SLIT3: variants seen among roughly 807,000 people sequenced by gnomAD.
SLIT3 encodes the protein slit homolog 3 protein.
Under a neutral mutation model 184.0 loss-of-function variants are expected in SLIT3, and 68 were observed. The observed-to-expected ratio is 0.37, with a 90% CI of 0.30 to 0.45. The LOEUF (loss-of-function observed/expected upper bound fraction) is 0.45. Ranked by LOEUF, SLIT3 falls within the 20% of genes least tolerant of loss-of-function variation. The pLI is 1.00. For missense variants in SLIT3, 1,707 were observed against 2,026.0 expected, an observed-to-expected ratio of 0.84 and a Z score of 3.02; for synonymous variants, 831 against 828.6, an observed-to-expected ratio of 1.00 and a Z score of -0.05.
At chr5:168,881,789 C>T (rs957382044) in intron 5 of SLIT3, among the ~76,000 whole-genome samples, 1 of 152,210 alleles carries the variant, frequency 6.6e-6, no homozygotes, top group Admixed American at 6.5e-5. Flanking sequence ...TTCTGTATCT[C>T]ATTTTCTCAG....
At chr5:168,846,478 C>T (rs1018258034) in intron 5 of SLIT3, among the ~76,000 whole-genome samples, 1 of 152,188 alleles carries the variant, frequency 6.6e-6, no homozygotes, top group Admixed American at 6.5e-5. Flanking sequence ...TCTAGTCCTG[C>T]TGCCCAGCTT....
intron 3 of SLIT3, among the ~76,000 whole-genome samples, chr5:169,211,636 G>C (rs1764268609): frequency 1.3e-5 from 2 of 151,600 alleles, no homozygotes; most frequent in Admixed American, 6.6e-5. Context: ...TGTCTAAGTA[G>C]CTGGCATATT....
chr5:169,187,045 A>G (rs1236616176), intron 4 of SLIT3, among the ~76,000 whole-genome samples: 1 of 149,812 alleles, frequency 6.7e-6, no homozygotes, highest in Non-Finnish European at 1.5e-5. Context: ...AATACCTCGT[A>G]TAACTGAATG....
intron 26 of SLIT3, 121 bp downstream of exon 26, chr5:168,707,855 G>T: frequency 1.6e-6 from 2 of 1,233,514 alleles, no homozygotes; most frequent in Non-Finnish European, 2.3e-6. Context: ...CTGTGCGATG[G>T]ACTCATCCAG....
chr5:169,239,307 A>C (rs747325818), intron 3 of SLIT3, among the ~76,000 whole-genome samples: 3 of 152,052 alleles, frequency 2.0e-5, no homozygotes, highest in Non-Finnish European at 4.4e-5. Context: ...TTTTTCTTGA[A>C]ATGTCCTTAC....
In SLIT3 at chr5:169,070,727, A is replaced by C. The variant is rs559064216; in HGVS notation, c.413+122752T>G. ...GCCAGATTCACCACTTGAGTTCCCA[A>C]ATCTATGGGTGTTGAATTCCATAGT... On this transcript the variant is annotated intron_variant, in intron 4 of 35. Coordinates refer to ENST00000519560, the MANE Select transcript of SLIT3 (RefSeq NM_003062.4). Among the ~76,000 whole-genome samples, 9 of 151,980 alleles carry C rather than the reference A, an allele frequency of 5.9e-5. No homozygotes were observed. In the South Asian group the frequency reaches 1.9e-3, roughly 32 times the overall value.
chr5:169,164,191 T>G (rs921169284), intron 4 of SLIT3, among the ~76,000 whole-genome samples: 8 of 152,224 alleles, frequency 5.3e-5, no homozygotes, highest in Non-Finnish European at 8.8e-5. Context: ...GAATTTCCAT[T>G]GCAGGGCCTC....
At chr5:169,074,770 A>G (rs1218798032) in intron 4 of SLIT3, among the ~76,000 whole-genome samples, 1 of 152,146 alleles carries the variant, frequency 6.6e-6, no homozygotes, top group African/African-American at 2.4e-5. Context: ...GCAGGACCAA[A>G]CTGTGGCCGT....
At chr5:169,165,061 T>C (rs947562240) in intron 4 of SLIT3, among the ~76,000 whole-genome samples, 3 of 152,208 alleles carry the variant, frequency 2.0e-5, no homozygotes, top group Admixed American at 1.3e-4. Flanking sequence ...CCAACATATA[T>C]AGGCAAAACA....
At chr5:168,930,291 G>C (rs1371917524) in intron 4 of SLIT3, among the ~76,000 whole-genome samples, 2 of 152,234 alleles carry the variant, frequency 1.3e-5, no homozygotes, top group Admixed American at 6.5e-5. Context: ...AGGGCTATCA[G>C]TGAGGAGGAG....
intron 1 of SLIT3, chr5:169,263,829 G>C (rs1339028691): frequency 8.8e-6 from 3 of 342,648 alleles, no homozygotes; most frequent in Admixed American, 4.1e-5. Flanking sequence ...CCTTGCTGCT[G>C]CCTGTTTCCT....
chr5:169,178,255 G>A (rs747033043), intron 4 of SLIT3, among the ~76,000 whole-genome samples: 1 of 152,110 alleles, frequency 6.6e-6, no homozygotes, highest in Admixed American at 6.5e-5. Context: ...GAAAAATCAC[G>A]GCTAAGGTAA....
intron 5 of SLIT3, among the ~76,000 whole-genome samples, chr5:168,875,365 C>T (rs1759694248): frequency 6.6e-6 from 1 of 152,092 alleles, no homozygotes; most frequent in Non-Finnish European, 1.5e-5. Flanking sequence ...GGCATGGTGG[C>T]TCATGCCTGT....
In SLIT3 at chr5:169,177,214, C is replaced by A. The variant is rs137952922; in HGVS notation, c.413+16265G>T. Among the ~76,000 whole-genome samples the A allele has an allele frequency of 5.2e-4, 79 of 152,274 alleles. 1 individual carries two copies. In the East Asian group the frequency reaches 7.7e-3, roughly 15 times the overall value. On this transcript the variant is annotated intron_variant, in intron 4 of 35. Coordinates refer to ENST00000519560, the MANE Select transcript of SLIT3 (RefSeq NM_003062.4). The stretch of plus-strand genomic sequence containing the variant: ...TTAGTCTATCACTGCAGCAATCAGA[C>A]GGCCAGGAGCCAGAAGTAATTTACA...
At chr5:168,737,135 C>G (rs1763462757) in intron 20 of SLIT3, among the ~76,000 whole-genome samples, 1 of 152,128 alleles carries the variant, frequency 6.6e-6, no homozygotes, top group African/African-American at 2.4e-5. Context: ...TTCCTCTCTT[C>G]CCAGAGCACA....
intron 4 of SLIT3, among the ~76,000 whole-genome samples, chr5:169,123,454 T>C (rs934309181): frequency 6.6e-6 from 1 of 152,198 alleles, no homozygotes; most frequent in African/African-American, 2.4e-5. Context: ...TTCAACTTGT[T>C]TGTGCTCTAA....
rs762538569 is a variant in SLIT3 at position 169,244,714 on chromosome 5, A to G, written c.332T>C (p.Leu111Pro). The G allele has an allele frequency of 6.2e-7, 1 of 1,613,656 alleles. No homozygotes were observed. The highest frequency in any genetic ancestry group is 8.5e-7 in the Non-Finnish European group (1 of 1,179,622). Residue 111 changes from leucine to proline, a missense_variant, in exon 3 of 36, where the codon CTA becomes CCA. Transcript: ENST00000519560. Reference sequence around the variant, plus strand: ...GCTGTACTGTACTTACAGTCGCTCTAGCTGCTTCAGGTCCTGGAAGGCGCC... The same window carrying G: ...GCTGTACTGTACTTACAGTCGCTCTGGCTGCTTCAGGTCCTGGAAGGCGCC... ...ERGAFQDLKQ[L>P]ERLRLNKNKL...
intron 4 of SLIT3, among the ~76,000 whole-genome samples, chr5:169,015,345 T>G (rs1581306695): frequency 6.6e-6 from 1 of 152,208 alleles, no homozygotes; most frequent in East Asian, 1.9e-4. Flanking sequence ...GGGAAGCTCC[T>G]GCAGGTGTGT....
intron 5 of SLIT3, among the ~76,000 whole-genome samples, chr5:168,855,647 T>C (rs1020929275): frequency 6.6e-6 from 1 of 152,176 alleles, no homozygotes; most frequent in Non-Finnish European, 1.5e-5. Flanking sequence ...TGTGATTCCA[T>C]GAATAGAAAA....
Sources: allele counts gnomAD v4.1 joint callset (sites outside exome capture counted in the v4.1 genomes callset), GRCh38; gene constraint gnomAD v4.1.1; transcripts MANE v1.5; gene names NCBI Gene and HGNC (gene_info 2026-07-23, HGNC 2026-07-21).